The following HMGB1 variants were observed in gnomAD, a reference collection of about 807,000 sequenced individuals.
The protein encoded by HMGB1 is high mobility group protein B1.
For missense variants in HMGB1, 79 were observed against 253.5 expected (o/e 0.31, Z 4.67); for synonymous variants, 81 against 84.0 (o/e 0.96, Z 0.19).
chr13:30,595,066 A>T (rs1236250032), intron 1 of HMGB1, among the ~76,000 whole-genome samples: 1 of 152,120 alleles, frequency 6.6e-6, no homozygotes, highest in African/African-American at 2.4e-5. Context: ...AAAGCAAGCA[A>T]AAAAAGGTCA....
At chr13:30,611,431 G>GGATTACA (rs1950512229) in intron 1 of HMGB1, among the ~76,000 whole-genome samples, 1 of 152,196 alleles carries the variant, frequency 6.6e-6, no homozygotes, top group South Asian at 2.1e-4. Context: ...CAAAGTGCTG[G>GGATTACA]GATTACAGCT....
chr13:30,542,932 A>C (rs577051260), intron 1 of HMGB1: 1 of 153,350 alleles, frequency 6.5e-6, no homozygotes, highest in East Asian at 1.9e-4. Context: ...GAAAGATTCC[A>C]AACTGAACAC....
chr13:30,566,520 C>G (rs569289961), intron 1 of HMGB1, among the ~76,000 whole-genome samples: 1 of 152,268 alleles, frequency 6.6e-6, no homozygotes, highest in South Asian at 2.1e-4. Flanking sequence ...ATGAAATATT[C>G]TTTTGATTTT....
intron 4 of HMGB1, among the ~76,000 whole-genome samples, chr13:30,461,848 T>C (rs527683463): frequency 2.0e-5 from 3 of 152,266 alleles, no homozygotes; most frequent in East Asian, 1.9e-4. Flanking sequence ...GATTAAAGGG[T>C]AGACACTGCC....
At chr13:30,527,216 G>C (rs1400874265) in intron 1 of HMGB1, among the ~76,000 whole-genome samples, 1 of 152,228 alleles carries the variant, frequency 6.6e-6, no homozygotes, top group Non-Finnish European at 1.5e-5. Context: ...GACCTGCCTG[G>C]GAAGGCAGTT....
intron 1 of HMGB1, among the ~76,000 whole-genome samples, chr13:30,603,952 T>G (rs1950428625): frequency 6.6e-6 from 1 of 152,226 alleles, no homozygotes; most frequent in East Asian, 1.9e-4. Flanking sequence ...TCCACAGATG[T>G]GGAATCCATG....
At chr13:30,526,741 C>T (rs1888376374) in intron 1 of HMGB1, among the ~76,000 whole-genome samples, 1 of 152,198 alleles carries the variant, frequency 6.6e-6, no homozygotes, top group African/African-American at 2.4e-5. Flanking sequence ...ATGACTTGTC[C>T]CAAGACAACC....
intron 1 of HMGB1, among the ~76,000 whole-genome samples, chr13:30,529,028 CAAAAAAAAAAAAAAAAA>C (rs59654057): frequency 1.9e-5 from 1 of 53,518 alleles, no homozygotes; most frequent in Non-Finnish European, 3.5e-5. Flanking sequence ...GACTGCGTCT[CAAAAAAAAAAAAAAAAA>C]AAAAAAAAAA....
intron 1 of HMGB1, chr13:30,540,231 AGGC>A (rs1868803271): frequency 5.2e-6 from 1 of 193,184 alleles, no homozygotes; most frequent in South Asian, 1.1e-4. Flanking sequence ...CCAGATCTGT[AGGC>A]TTCTTCTGTC....
chr13:30,612,730 AAG>A (rs1950523731), intron 1 of HMGB1, among the ~76,000 whole-genome samples: 2 of 152,222 alleles, frequency 1.3e-5, no homozygotes, highest in Non-Finnish European at 2.9e-5. Flanking sequence ...CCAATTAGGA[AAG>A]AGTGTTTCTT....
At chr13:30,538,623 C>T (rs3068568) in intron 1 of HMGB1, among the ~76,000 whole-genome samples, 9 of 94,726 alleles carry the variant, frequency 9.5e-5, no homozygotes, top group African/African-American at 4.0e-4. Flanking sequence ...CTTTCTCTCT[C>T]TCTTTCTTTT....
chr13:30,533,875 T>G (rs1039340572), intron 1 of HMGB1, among the ~76,000 whole-genome samples: 3 of 151,976 alleles, frequency 2.0e-5, no homozygotes, highest in Non-Finnish European at 2.9e-5. Flanking sequence ...TCTTTTTTTT[T>G]TTTTTTAAGA....
intron 1 of HMGB1, among the ~76,000 whole-genome samples, chr13:30,615,310 G>C (rs1177764668): frequency 1.3e-5 from 2 of 152,044 alleles, no homozygotes; most frequent in African/African-American, 4.8e-5. Context: ...ATGAATACAG[G>C]TTTACAATTC....
At chr13:30,527,636 G>C (rs1426553390) in intron 1 of HMGB1, among the ~76,000 whole-genome samples, 1 of 152,120 alleles carries the variant, frequency 6.6e-6, no homozygotes, top group Non-Finnish European at 1.5e-5. Flanking sequence ...CACAAAAAGA[G>C]ATGGAGAGGA....
intron 1 of HMGB1, among the ~76,000 whole-genome samples, chr13:30,607,441 C>A (rs1407800439): frequency 6.6e-6 from 1 of 150,904 alleles, no homozygotes; most frequent in Non-Finnish European, 1.5e-5. Context: ...CTTGCTCGCT[C>A]TCTTCTGCCA....
chr13:30,464,521 G>A (rs1886590469), intron 1 of HMGB1: 2 of 984,706 alleles, frequency 2.0e-6, no homozygotes, highest in Non-Finnish European at 2.4e-6. Context: ...GAGGAGAGAG[G>A]ACGCGGCCCG....
At chr13:30,560,266 C>A (rs1869891318) in intron 1 of HMGB1, among the ~76,000 whole-genome samples, 1 of 152,130 alleles carries the variant, frequency 6.6e-6, no homozygotes, top group Admixed American at 6.5e-5. Flanking sequence ...GAAAAAAGTT[C>A]CATGGTGGGG....
intron 1 of HMGB1, among the ~76,000 whole-genome samples, chr13:30,604,395 C>T (rs939154294): frequency 1.2e-4 from 18 of 152,134 alleles, no homozygotes; most frequent in African/African-American, 4.3e-4. Flanking sequence ...CAATATCCCC[C>T]CAAGGAACAG....
intron 1 of HMGB1, among the ~76,000 whole-genome samples, chr13:30,569,524 C>T (rs1870338333): frequency 1.3e-5 from 2 of 152,020 alleles, no homozygotes. Flanking sequence ...CCTTGTTTAA[C>T]CTCTACAGGA....
Sources: allele counts gnomAD v4.1 joint callset (sites outside exome capture counted in the v4.1 genomes callset), GRCh38; gene constraint gnomAD v4.1.1; transcripts MANE v1.5; gene names NCBI Gene and HGNC (gene_info 2026-07-23, HGNC 2026-07-21).